Variants in EML5 observed in about 807,000 individuals in gnomAD.
EML5 encodes the protein echinoderm microtubule-associated protein-like 5.
Under a neutral mutation model 250.0 loss-of-function variants are expected in EML5, and 120 were observed. The ratio of observed to expected loss-of-function variants is 0.48; its 90% CI spans 0.41 to 0.56. The LOEUF is 0.56. Ranked by LOEUF, EML5 falls within the 20% of genes least tolerant of loss-of-function variation. EML5 has a pLI of 0.00. For missense variants in EML5, 2,006 were observed against 2,437.6 expected, an observed-to-expected ratio of 0.82 and a Z score of 3.73; for synonymous variants, 771 against 806.5, an observed-to-expected ratio of 0.96 and a Z score of 0.75.
chr14:88,748,824 C>T (rs2094046811), intron 2 of EML5, among the ~76,000 whole-genome samples: 1 of 151,804 alleles, frequency 6.6e-6, no homozygotes, highest in African/African-American at 2.4e-5. Flanking sequence ...GCAGCTCAGA[C>T]AATGATGAAA....
chr14:88,748,363 T>C (rs908138320), intron 2 of EML5, among the ~76,000 whole-genome samples: 1 of 152,150 alleles, frequency 6.6e-6, no homozygotes, highest in Non-Finnish European at 1.5e-5. Flanking sequence ...AGATACCTCT[T>C]TGAACTCGCT....
intron 7 of EML5, among the ~76,000 whole-genome samples, chr14:88,729,564 T>G (rs949420118): frequency 1.7e-4 from 26 of 149,718 alleles, no homozygotes; most frequent in African/African-American, 5.2e-4. Flanking sequence ...TTTGGTTTTT[T>G]GTTTTTTGTT....
chr14:88,621,332 T>G (rs1187557058), intron 37 of EML5, 31 bp from the exon 38 acceptor site: 2 of 1,611,390 alleles, frequency 1.2e-6, no homozygotes, highest in Non-Finnish European at 1.7e-6. Flanking sequence ...ATACAGTGAA[T>G]GTAATACAAC....
chr14:88,686,039 G>C (rs888104229), intron 19 of EML5, among the ~76,000 whole-genome samples: 1 of 152,190 alleles, frequency 6.6e-6, no homozygotes, highest in East Asian at 1.9e-4. Context: ...AGCATACAGT[G>C]AGGAAAACAG....
At chr14:88,616,101 G>GTAACATAGTCTGCTC in intron 43 of EML5, 41 bp downstream of exon 43, 1 of 1,593,238 alleles carries the variant, frequency 6.3e-7, no homozygotes, top group Non-Finnish European at 8.6e-7. Flanking sequence ...CTCTTAACTA[G>GTAACATAGTCTGCTC]TAACATAGTC....
In EML5 at chr14:88,697,612, A is replaced by T. The variant is rs147088195; in HGVS notation, c.2239-660T>A. 1.4e-3 allele frequency among the ~76,000 whole-genome samples: 220 copies of T among 152,342 alleles called. 2 individuals are homozygous for T. Among genetic ancestry groups the T allele is most frequent in the African/African-American group, 4.8e-3 (199 of 41,576 alleles). ...ACTATCAATTCTTAATTATTCCTCTAGACTCAAGTAATCACTTTCTTTAAC... is the reference window on the plus strand; with the variant it reads ...ACTATCAATTCTTAATTATTCCTCTTGACTCAAGTAATCACTTTCTTTAAC... On this transcript the variant is annotated intron_variant, in intron 14 of 43. Transcript: ENST00000554922.
rs764551909 is a variant in EML5, at chr14:88,715,219, C to T, written c.1188-24G>A. On this transcript the variant is annotated intron_variant, in intron 8 of 43. Coordinates refer to ENST00000554922, the MANE Select transcript of EML5 (RefSeq NM_183387.3). ...CTCTGTTAAAAAGAAAAAAATGAGA[C>T]TACATGAACAGAAGTCACAACAGAA... 34 of 1,545,480 alleles carry T rather than the reference C, an allele frequency of 2.2e-5. No homozygotes were observed. The East Asian group carries it at 7.3e-4, about 33-fold the overall frequency.
At chr14:88,687,416 A>G in intron 18 of EML5, 89 bp from the exon 19 acceptor site, 1 of 904,162 alleles carries the variant, frequency 1.1e-6, no homozygotes, top group Non-Finnish European at 1.6e-6. Context: ...CTTCTAGAAA[A>G]AAGAACATAG....
chr14:88,613,820 T>G lies in EML5; in HGVS notation c.*1998A>C, dbSNP rs1010245475. On this transcript the variant is annotated 3_prime_UTR_variant, in exon 44 of 44. Transcript: ENST00000554922. Reference sequence around the variant, plus strand: ...CTTAGATACTGCACACAAAAATAATTATCTGGGTTAAAAAAGTAAACATAG... The same window carrying G: ...CTTAGATACTGCACACAAAAATAATGATCTGGGTTAAAAAAGTAAACATAG... 6.6e-6 allele frequency: 1 copy of G among 152,130 alleles called. No homozygotes were observed. The highest frequency in any genetic ancestry group is 1.5e-5 in the Non-Finnish European group (1 of 68,014). The allele number at this position is 152,130 out of a possible 1,614,324, so 9.4% of individuals were successfully genotyped here.
chr14:88,636,278 T>C (rs999061970), intron 32 of EML5, among the ~76,000 whole-genome samples: 2 of 152,168 alleles, frequency 1.3e-5, no homozygotes, highest in African/African-American at 4.8e-5. Context: ...AGTGGAGAAG[T>C]AGGCTCCCCC....
chr14:88,650,389 GGTTGTAGTGA>G (rs2091563136), intron 27 of EML5, among the ~76,000 whole-genome samples: 11 of 152,158 alleles, frequency 7.2e-5, no homozygotes, highest in Admixed American at 7.2e-4. Context: ...AGGAGTTGGA[GGTTGTAGTGA>G]GCCAAAATCG....
At chr14:88,752,681 CT>C (rs1457097710) in intron 2 of EML5, among the ~76,000 whole-genome samples, 3 of 152,180 alleles carry the variant, frequency 2.0e-5, no homozygotes, top group Non-Finnish European at 4.4e-5. Flanking sequence ...GCCTGGACCC[CT>C]GGCCCTCAAT....
chr14:88,745,118 T>C (rs185011736), intron 3 of EML5, among the ~76,000 whole-genome samples: 1 of 151,884 alleles, frequency 6.6e-6, no homozygotes, highest in East Asian at 1.9e-4. Flanking sequence ...ACATGCCAGC[T>C]GTCTAATAAA....
chr14:88,694,460 A>C (rs1249397229), intron 16 of EML5, 53 bp from the exon 17 acceptor site: 15 of 1,259,776 alleles, frequency 1.2e-5, no homozygotes, highest in Non-Finnish European at 1.7e-5. Flanking sequence ...TTCCTGTATT[A>C]ATCTCTTGCC....
intron 10 of EML5, among the ~76,000 whole-genome samples, chr14:88,711,351 A>AT (rs2093403362): frequency 1.0e-5 from 1 of 97,358 alleles, no homozygotes; most frequent in African/African-American, 6.1e-5. Flanking sequence ...AGTTCTCACG[A>AT]GATCTGATGG....
intron 31 of EML5, among the ~76,000 whole-genome samples, chr14:88,639,670 T>C (rs901866562): frequency 2.6e-5 from 4 of 152,056 alleles, no homozygotes; most frequent in African/African-American, 9.7e-5. Flanking sequence ...TCCACTTCCC[T>C]GGTTCAAGCA....
chr14:88,706,235 GT>G, intron 11 of EML5, 23 bp downstream of exon 11: 1 of 1,543,078 alleles, frequency 6.5e-7, no homozygotes, highest in Non-Finnish European at 8.7e-7. Flanking sequence ...CAGGGAAACT[GT>G]TTAGCTAATG....
intron 1 of EML5, among the ~76,000 whole-genome samples, chr14:88,760,695 C>G (rs1424866138): frequency 6.6e-6 from 1 of 152,048 alleles, no homozygotes; most frequent in South Asian, 2.1e-4. Context: ...TCCTATATAT[C>G]TTGTTGGGAT....
chr14:88,693,004 T>A (rs181924894), intron 17 of EML5, among the ~76,000 whole-genome samples: 1 of 152,320 alleles, frequency 6.6e-6, no homozygotes, highest in East Asian at 1.9e-4. Flanking sequence ...TTTATAAGTA[T>A]ACTATTTAGA....
Sources: gnomAD v4.1 joint callset for allele counts (sites outside exome capture counted in the v4.1 genomes callset) on GRCh38, gnomAD v4.1.1 for gene constraint, MANE v1.5 for transcripts, NCBI Gene and HGNC (gene_info 2026-07-23, HGNC 2026-07-21) for gene names.